The following UBE2V2 variants were observed in gnomAD, a reference collection of about 807,000 sequenced individuals.
UBE2V2 encodes ubiquitin conjugating enzyme E2 V2.
A neutral mutation model predicts 17.2 loss-of-function variants in UBE2V2; 9 were observed. That is an observed-to-expected ratio of 0.52 (90% CI 0.32 to 0.91). The LOEUF (loss-of-function observed/expected upper bound fraction) is 0.91. Ranked by LOEUF, UBE2V2 falls within the 40% of genes least tolerant of loss-of-function variation. The probability of loss-of-function intolerance (pLI) is 0.04; values close to 1 mark genes in which losing one functional copy is unlikely to be tolerated. For missense variants in UBE2V2, 133 were observed against 182.6 expected, an observed-to-expected ratio of 0.73 and a Z score of 1.56; for synonymous variants, 61 against 57.5, an observed-to-expected ratio of 1.06 and a Z score of -0.28.
At chr8:48,043,925 A>ATTT (rs747460747) in intron 2 of UBE2V2, among the ~76,000 whole-genome samples, 1 of 134,544 alleles carries the variant, frequency 7.4e-6, no homozygotes, top group African/African-American at 2.7e-5. Flanking sequence ...CTAGCTTGGG[A>ATTT]TTTTTTTTTT....
the UBE2V2 span, among the ~76,000 whole-genome samples, chr8:47,997,904 A>G: frequency 6.6e-6 from 1 of 151,936 alleles, no homozygotes; most frequent in African/African-American, 2.4e-5. Context: ...CAGTGGGATC[A>G]AAGGAGGCGA....
chr8:48,008,175 G>A (rs1456075896), upstream of UBE2V2, among the ~76,000 whole-genome samples: 2 of 152,164 alleles, frequency 1.3e-5, no homozygotes, highest in African/African-American at 4.8e-5. Context: ...GATCGCCTCG[G>A]CCTCCCAAAG....
the UBE2V2 span, among the ~76,000 whole-genome samples, chr8:47,997,579 A>C: frequency 6.6e-6 from 1 of 152,160 alleles, no homozygotes; most frequent in African/African-American, 2.4e-5. Flanking sequence ...GAGATATTTA[A>C]ATTCTTTCAT....
chr8:48,008,353 G>A (rs778751101), upstream of UBE2V2: 1,060 of 1,407,974 alleles, frequency 7.5e-4, 6 homozygotes, highest in Non-Finnish European at 6.6e-4. Flanking sequence ...CGCCCGCCGG[G>A]GGCGGAGTCC....
chr8:48,055,999 CT>C (rs2091569309), intron 3 of UBE2V2, among the ~76,000 whole-genome samples: 2 of 152,134 alleles, frequency 1.3e-5, no homozygotes, highest in Admixed American at 1.3e-4. Context: ...ACCTTGTGAT[CT>C]GCCCTCCTCA....
At chr8:48,011,992 G>T (rs1027629771) in intron 1 of UBE2V2, among the ~76,000 whole-genome samples, 1 of 152,118 alleles carries the variant, frequency 6.6e-6, no homozygotes, top group Non-Finnish European at 1.5e-5. Context: ...ATCCCATCTG[G>T]TCTTCTTATT....
Position 48,053,114 on chromosome 8 carries a change from C to T in UBE2V2, c.291+3136C>T, listed in dbSNP as rs564854386. ...GGTTTGCCATGTTGGCCAGGCTGGTCTCAGACTCCTGACCCGCGTTGGCCT... is the reference window on the plus strand; with the variant it reads ...GGTTTGCCATGTTGGCCAGGCTGGTTTCAGACTCCTGACCCGCGTTGGCCT... On this transcript the variant is annotated intron_variant, in intron 3 of 3. Coordinates refer to ENST00000523111, the MANE Select transcript of UBE2V2 (RefSeq NM_003350.3). Among the ~76,000 whole-genome samples the T allele has an allele frequency of 2.9e-3, 441 of 152,216 alleles. 3 individuals are homozygous for T. Among genetic ancestry groups the T allele is most frequent in the African/African-American group, 0.01 (432 of 41,546 alleles).
In UBE2V2 at chr8:48,060,691, C is replaced by T. The variant is rs757696246; in HGVS notation, c.301C>T (p.Arg101Trp). ...TTTCCTCCCCTTTCAGGTGGATGCCCGGAGCATACCAGTGTTAGCAAAATG... is the reference window on the plus strand; with the variant it reads ...TTTCCTCCCCTTTCAGGTGGATGCCTGGAGCATACCAGTGTTAGCAAAATG... Reference protein sequence around the residue: ...INNSSGMVDARSIPVLAKWQN... With the variant: ...INNSSGMVDAWSIPVLAKWQN... The change falls in exon 4 of 4, where the codon CGG becomes TGG. Residue 101 changes from arginine (R) to tryptophan (W), a missense_variant. By Grantham distance (101) the Arg-to-Trp change is moderately radical (BLOSUM62 -3). Transcript: ENST00000523111. 29 of 1,493,130 alleles carry T rather than the reference C, an allele frequency of 1.9e-5. No individual in the cohort carries two copies. Among genetic ancestry groups the T allele is most frequent in the East Asian group, 5.2e-5 (2 of 38,798 alleles). 92.5% of individuals were successfully genotyped at this position (1,493,130 alleles called of 1,614,324 possible).
chr8:48,036,579 A>G (rs1036993000), intron 1 of UBE2V2, among the ~76,000 whole-genome samples: 18 of 151,276 alleles, frequency 1.2e-4, no homozygotes, highest in African/African-American at 4.4e-4. Flanking sequence ...GATTACAGGC[A>G]CGCACCACCA....
intron 1 of UBE2V2, among the ~76,000 whole-genome samples, chr8:48,032,529 G>A (rs2091390730): frequency 6.6e-6 from 1 of 152,124 alleles, no homozygotes; most frequent in Admixed American, 6.6e-5. Context: ...GAGGCAGGAG[G>A]ACCCCTTGAG....
chr8:48,002,721 C>A, the UBE2V2 span, among the ~76,000 whole-genome samples: 1 of 151,930 alleles, frequency 6.6e-6, no homozygotes, highest in Non-Finnish European at 1.5e-5. Context: ...TCAAAGGATA[C>A]AAAATGTCAG....
At chr8:48,037,993 T>A (rs1323804009) in intron 1 of UBE2V2, among the ~76,000 whole-genome samples, 2 of 152,230 alleles carry the variant, frequency 1.3e-5, no homozygotes, top group East Asian at 3.8e-4. Flanking sequence ...AGGCCATTTC[T>A]GACTCTTTGC....
intron 1 of UBE2V2, among the ~76,000 whole-genome samples, chr8:48,033,810 T>C (rs774132775): frequency 7.4e-4 from 112 of 152,036 alleles, no homozygotes; most frequent in Middle Eastern, 3.4e-3. Flanking sequence ...ATACAAAAAT[T>C]ACCTTGCATG....
chr8:48,060,042 C>T (rs530628460), intron 3 of UBE2V2, among the ~76,000 whole-genome samples: 15 of 151,484 alleles, frequency 9.9e-5, no homozygotes, highest in Admixed American at 5.3e-4. Context: ...CCTGTCTCTA[C>T]GAAAAATAGA....
intron 1 of UBE2V2, among the ~76,000 whole-genome samples, chr8:48,011,574 T>A (rs1563847493): frequency 6.6e-6 from 1 of 152,228 alleles, no homozygotes; most frequent in African/African-American, 2.4e-5. Context: ...TGATCTTTAG[T>A]TCAGTGTGCA....
chr8:48,050,499 G>A (rs1004276703), intron 3 of UBE2V2: 2 of 152,354 alleles, frequency 1.3e-5, no homozygotes, highest in African/African-American at 4.8e-5. Flanking sequence ...CCAAAGTGCT[G>A]GGATTACAGG....
intron 1 of UBE2V2, among the ~76,000 whole-genome samples, chr8:48,025,856 T>C (rs1236904337): frequency 6.6e-6 from 1 of 152,108 alleles, no homozygotes; most frequent in African/African-American, 2.4e-5. Flanking sequence ...TGCCTTGGTC[T>C]CCCAAAGTGC....
At chr8:48,023,724 A>G (rs2091320705) in intron 1 of UBE2V2, among the ~76,000 whole-genome samples, 1 of 151,942 alleles carries the variant, frequency 6.6e-6, no homozygotes, top group Admixed American at 6.6e-5. Context: ...ATGCAAAAAA[A>G]AATTAGCCAG....
At position 48,063,209 on chromosome 8, in the gene UBE2V2, CTT is replaced by C. The variant is rs1385676221; in HGVS notation, c.*2382_*2383del. 2 of 152,206 alleles carry C rather than the reference CTT, an allele frequency of 1.3e-5. No individual in the cohort carries two copies. Among genetic ancestry groups the C allele is most frequent in the East Asian group, 1.9e-4 (1 of 5,194 alleles). The allele number at this position is 152,206 out of a possible 1,614,324, so 9.4% of individuals were successfully genotyped here. On this transcript the variant is annotated 3_prime_UTR_variant, in exon 4 of 4. Coordinates refer to ENST00000523111, the MANE Select transcript of UBE2V2 (RefSeq NM_003350.3). ...CAGCCCTATAATGTTCATTTCCCCTCTTGTTTGTGGGATTATGGATCTCTGCA... is the reference window on the plus strand; with the variant it reads ...CAGCCCTATAATGTTCATTTCCCCTCGTTTGTGGGATTATGGATCTCTGCA...
Sources: gnomAD v4.1 joint callset for allele counts (sites outside exome capture counted in the v4.1 genomes callset) on GRCh38, gnomAD v4.1.1 for gene constraint, MANE v1.5 for transcripts, NCBI Gene and HGNC (gene_info 2026-07-23, HGNC 2026-07-21) for gene names.